Variants in KIAA1549L observed in about 807,000 individuals in gnomAD.
The protein encoded by KIAA1549L is KIAA1549 like.
KIAA1549L carries 88 observed loss-of-function variants against 160.7 expected under a neutral mutation model. The ratio of observed to expected loss-of-function variants is 0.55; its 90% CI spans 0.46 to 0.65. The LOEUF (loss-of-function observed/expected upper bound fraction) is 0.65, where lower values mean the gene tolerates loss of function less well. Among genes scored for constraint, KIAA1549L ranks in the 30% least tolerant of loss-of-function variants. The probability of loss-of-function intolerance (pLI) is 0.00; values close to 1 mark genes in which losing one functional copy is unlikely to be tolerated. For missense variants in KIAA1549L, 2,258 were observed against 2,437.5 expected (o/e 0.93, Z 1.55); for synonymous variants, 950 against 976.7 (o/e 0.97, Z 0.51).
chr11:33,601,130 T>C (rs183312040), intron 13 of KIAA1549L, among the ~76,000 whole-genome samples: 42 of 152,350 alleles, frequency 2.8e-4, no homozygotes, highest in African/African-American at 9.9e-4. Context: ...TTGAGGTTTT[T>C]GCTTGTTTGC....
At position 33,672,878 on chromosome 11, in the gene KIAA1549L, C is replaced by G. The variant is rs572747691; in HGVS notation, c.*4724C>G. On this transcript the variant is annotated 3_prime_UTR_variant, in exon 21 of 21. Transcript: ENST00000658780. ...TTGCATGATCTTAGCTCAGGTGCTA[C>G]TAATGTGGCTCACGGCCACACACTT... 1 of 153,812 alleles carries G rather than the reference C, an allele frequency of 6.5e-6. No homozygotes were observed. The highest frequency in any genetic ancestry group is 1.5e-5 in the Non-Finnish European group (1 of 68,052). The allele number at this position is 153,812 out of a possible 1,614,324, so 9.5% of individuals were successfully genotyped here. A position where few individuals can be genotyped will look rare whatever the true frequency, so the allele number is the denominator to read the frequency against.
intron 1 of KIAA1549L, among the ~76,000 whole-genome samples, chr11:33,531,344 G>A (rs938897027): frequency 5.7e-4 from 87 of 152,090 alleles, no homozygotes; most frequent in African/African-American, 2.0e-3. Context: ...CCATGATGGC[G>A]GGTGCCTGTA....
chr11:33,587,141 A>G (rs1360131359), intron 11 of KIAA1549L, among the ~76,000 whole-genome samples: 1 of 152,232 alleles, frequency 6.6e-6, no homozygotes, highest in South Asian at 2.1e-4. Flanking sequence ...TATGTCTAGT[A>G]TATAATAAAT....
intron 19 of KIAA1549L, 124 bp from the exon 20 acceptor site, chr11:33,660,739 A>T: frequency 2.3e-6 from 2 of 886,300 alleles, no homozygotes; most frequent in Non-Finnish European, 3.5e-6. Flanking sequence ...GACCTGATTT[A>T]ATGAGACTTC....
chr11:33,383,273 CTT>C (rs35630887), intron 1 of KIAA1549L, among the ~76,000 whole-genome samples: 2 of 144,104 alleles, frequency 1.4e-5, no homozygotes, highest in African/African-American at 2.5e-5. Flanking sequence ...TTCTTTCTTT[CTT>C]TTTTTTTTTT....
At chr11:33,545,413 G>A (rs1854217886) in intron 3 of KIAA1549L, 35 bp downstream of exon 3, 1 of 1,570,906 alleles carries the variant, frequency 6.4e-7, no homozygotes, top group Non-Finnish European at 8.6e-7. Flanking sequence ...AAAGCAGCAA[G>A]CCTGGCCTCA....
At chr11:33,405,839 C>CAAAAAAAAAAAAAAAA (rs35479859) in intron 1 of KIAA1549L, among the ~76,000 whole-genome samples, 1 of 68,878 alleles carries the variant, frequency 1.5e-5, no homozygotes, top group African/African-American at 5.3e-5. Flanking sequence ...CAGTCTGTCT[C>CAAAAAAAAAAAAAAAA]AAAAAAAAAA....
intron 1 of KIAA1549L, among the ~76,000 whole-genome samples, chr11:33,488,633 G>A (rs1376491454): frequency 6.6e-6 from 1 of 152,166 alleles, no homozygotes; most frequent in African/African-American, 2.4e-5. Context: ...GGCACATAAA[G>A]GTTAATTAAC....
chr11:33,504,221 A>G (rs1355584160), intron 1 of KIAA1549L, among the ~76,000 whole-genome samples: 1 of 152,100 alleles, frequency 6.6e-6, no homozygotes, highest in Non-Finnish European at 1.5e-5. Context: ...AGATTGCGCT[A>G]CTGCACTCCA....
At chr11:33,652,920 T>C (rs565383287) in intron 17 of KIAA1549L, among the ~76,000 whole-genome samples, 3 of 152,302 alleles carry the variant, frequency 2.0e-5, no homozygotes, top group South Asian at 4.1e-4. Context: ...TGTATTAGGG[T>C]CTGCTGGAAT....
rs1427197689 is a variant in KIAA1549L, at chr11:33,645,715, C to T, written c.5439C>T (p.Asn1813=). 2.5e-6 allele frequency: 4 copies of T among 1,613,900 alleles called. No homozygotes were observed. In the African/African-American group the frequency reaches 5.3e-5, roughly 22 times the overall value. ...DTEPEIIEET[N]IDRVPEPRGY... is the part of the protein sequence containing the mutation. ...AGCCTGAAATCATAGAGGAAACCAA[C>T]ATTGACAGAGTTCCTGAGCCCCGGG... The change falls in exon 17 of 21, where the codon AAC becomes AAT. Residue 1813 remains asparagine, a synonymous_variant. Transcript: ENST00000658780.
chr11:33,554,620 C>A (rs1047633323), intron 6 of KIAA1549L, among the ~76,000 whole-genome samples: 2 of 152,194 alleles, frequency 1.3e-5, no homozygotes, highest in African/African-American at 2.4e-5. Flanking sequence ...AACCAAAGTG[C>A]CTTTCCTGGT....
chr11:33,469,540 G>A (rs1374456531), intron 1 of KIAA1549L, among the ~76,000 whole-genome samples: 1 of 152,144 alleles, frequency 6.6e-6, no homozygotes, highest in Non-Finnish European at 1.5e-5. Flanking sequence ...TATATACCTA[G>A]GAATGGAATT....
At chr11:33,500,613 G>A (rs1377829951) in intron 1 of KIAA1549L, among the ~76,000 whole-genome samples, 1 of 152,064 alleles carries the variant, frequency 6.6e-6, no homozygotes, top group Non-Finnish European at 1.5e-5. Context: ...GGAAATTATA[G>A]TTAACAGTAG....
chr11:33,625,620 T>C (rs1316824830), intron 16 of KIAA1549L, among the ~76,000 whole-genome samples: 17 of 151,720 alleles, frequency 1.1e-4, no homozygotes, highest in Non-Finnish European at 2.4e-4. Context: ...GTTTTTTTCT[T>C]GTAAATTTGT....
chr11:33,581,746 C>G (rs985671173), intron 10 of KIAA1549L, among the ~76,000 whole-genome samples: 1 of 152,156 alleles, frequency 6.6e-6, no homozygotes, highest in Non-Finnish European at 1.5e-5. Context: ...CCAATGAACA[C>G]AACATTGAGT....
chr11:33,414,159 GT>G (rs1182956388), intron 1 of KIAA1549L, among the ~76,000 whole-genome samples: 2 of 152,184 alleles, frequency 1.3e-5, no homozygotes, highest in Middle Eastern at 3.2e-3. Context: ...AAGCCTAGAA[GT>G]CTATTAAAAT....
chr11:33,580,504 G>A (rs1442630811), intron 10 of KIAA1549L, among the ~76,000 whole-genome samples: 3 of 149,932 alleles, frequency 2.0e-5, no homozygotes, highest in Admixed American at 6.7e-5. Flanking sequence ...AAACTGGGAA[G>A]CAGAGGTTGC....
chr11:33,557,404 A>G (rs1365400561), intron 6 of KIAA1549L, among the ~76,000 whole-genome samples: 1 of 151,468 alleles, frequency 6.6e-6, no homozygotes, highest in African/African-American at 2.4e-5. Context: ...GAAGTTTTTT[A>G]AATTGTTCAG....
Sources: allele counts gnomAD v4.1 joint callset (sites outside exome capture counted in the v4.1 genomes callset), GRCh38; gene constraint gnomAD v4.1.1; transcripts MANE v1.5; gene names NCBI Gene and HGNC (gene_info 2026-07-23, HGNC 2026-07-21).